OSBPL10: variants seen among roughly 807,000 people sequenced by gnomAD.
The protein encoded by OSBPL10 is oxysterol binding protein like 10.
OSBPL10 carries 49 observed loss-of-function variants against 81.7 expected under a neutral mutation model. The ratio of observed to expected loss-of-function variants is 0.60; its 90% CI spans 0.48 to 0.76. OSBPL10 has a LOEUF of 0.76. Ranked by LOEUF, OSBPL10 falls within the 30% of genes least tolerant of loss-of-function variation. The pLI is 0.00. For missense variants in OSBPL10, 923 were observed against 987.8 expected, an observed-to-expected ratio of 0.93 and a Z score of 0.88; for synonymous variants, 419 against 383.6, an observed-to-expected ratio of 1.09 and a Z score of -1.08.
intron 1 of OSBPL10, among the ~76,000 whole-genome samples, chr3:31,910,699 T>C (rs953303482): frequency 4.0e-5 from 6 of 151,888 alleles, no homozygotes; most frequent in African/African-American, 4.8e-5. Flanking sequence ...GTCTCCTCAG[T>C]TGGACTTCTT....
At chr3:31,849,966 A>G (rs1053109078) in intron 3 of OSBPL10, among the ~76,000 whole-genome samples, 4 of 152,144 alleles carry the variant, frequency 2.6e-5, no homozygotes, top group African/African-American at 7.2e-5. Flanking sequence ...GGAGTTGGAC[A>G]CCAGCCTGGC....
intron 1 of OSBPL10, among the ~76,000 whole-genome samples, chr3:32,055,304 A>G (rs1396736463): frequency 7.3e-6 from 1 of 136,458 alleles, no homozygotes; most frequent in Non-Finnish European, 1.5e-5. Flanking sequence ...CCTGGGTTCC[A>G]GTGATTCTCC....
intron 6 of OSBPL10, chr3:31,732,742 G>A (rs748489598): frequency 8.1e-5 from 13 of 161,428 alleles, no homozygotes; most frequent in Non-Finnish European, 1.6e-4. Context: ...CTCTCCTGAC[G>A]AGGCAGTGCA....
At chr3:31,829,995 C>G in intron 4 of OSBPL10, 45 bp downstream of exon 4, 1 of 1,550,282 alleles carries the variant, frequency 6.5e-7, no homozygotes, top group Non-Finnish European at 8.7e-7. Context: ...GTCACAGCCC[C>G]CAACTCCCCG....
chr3:31,740,617 ATGAAGCT>A, intron 5 of OSBPL10, among the ~76,000 whole-genome samples: 1 of 151,928 alleles, frequency 6.6e-6, no homozygotes, highest in Non-Finnish European at 1.5e-5. Flanking sequence ...AAGAATGCTT[ATGAAGCT>A]GGGTATGGTG....
intron 1 of OSBPL10, among the ~76,000 whole-genome samples, chr3:31,942,359 T>G (rs1697560271): frequency 6.6e-6 from 1 of 151,940 alleles, no homozygotes; most frequent in South Asian, 2.1e-4. Flanking sequence ...CTGGTCAACA[T>G]GGTGAAACCC....
chr3:31,885,151 T>C (rs760223342), intron 1 of OSBPL10, among the ~76,000 whole-genome samples: 22 of 152,140 alleles, frequency 1.4e-4, no homozygotes, highest in Non-Finnish European at 2.5e-4. Context: ...GAAGCACAAA[T>C]GCACACATAT....
chr3:31,829,468 G>A (rs1418310940), intron 4 of OSBPL10, among the ~76,000 whole-genome samples: 1 of 152,188 alleles, frequency 6.6e-6, no homozygotes, highest in East Asian at 1.9e-4. Flanking sequence ...AGAGAAGGCT[G>A]GCAAAGCCTG....
chr3:31,950,303 C>G (rs1026243930), intron 1 of OSBPL10, among the ~76,000 whole-genome samples: 1 of 152,096 alleles, frequency 6.6e-6, no homozygotes, highest in African/African-American at 2.4e-5. Flanking sequence ...GAGCAAAAGA[C>G]CCAAGCTGGA....
chr3:31,743,042 T>G (rs1001838688), intron 5 of OSBPL10, among the ~76,000 whole-genome samples: 43 of 139,212 alleles, frequency 3.1e-4, no homozygotes, highest in African/African-American at 1.0e-3. Context: ...TTTTTTTTTT[T>G]TTTTTTTTTT....
intron 4 of OSBPL10, among the ~76,000 whole-genome samples, chr3:31,748,995 C>T (rs62244780): frequency 0.011 from 1,680 of 152,292 alleles, 13 homozygotes; most frequent in Non-Finnish European, 0.014. Context: ...AAATAATTAG[C>T]GAGTCTAAGA....
chr3:31,750,010 A>AC, intron 4 of OSBPL10, among the ~76,000 whole-genome samples: 1 of 151,550 alleles, frequency 6.6e-6, no homozygotes, highest in East Asian at 2.0e-4. Context: ...GTGAAACCCC[A>AC]TCTCTACTAA....
rs991110627 is a variant in OSBPL10 at position 31,906,272 on chromosome 3, C to CA, written c.282-26443dup. On this transcript the variant is annotated intron_variant, in intron 1 of 11. Transcript: ENST00000396556. ...AACTCTCCCACAAGCAGACTAGAGC[C>CA]AAAAAAAACTGGGAAATCCTTTGGC... 8.6e-5 allele frequency among the ~76,000 whole-genome samples: 13 copies of CA among 151,478 alleles called. No homozygotes were observed. In the East Asian group the frequency reaches 1.5e-3, roughly 18 times the overall value.
intron 1 of OSBPL10, among the ~76,000 whole-genome samples, chr3:32,066,769 C>T (rs949718899): frequency 3.3e-5 from 5 of 152,136 alleles, no homozygotes; most frequent in Non-Finnish European, 7.3e-5. Context: ...TAACGTCACC[C>T]ACAATGAAAG....
intron 2 of OSBPL10, chr3:31,989,672 G>C (rs576427985): frequency 1.2e-6 from 2 of 1,614,002 alleles, no homozygotes; most frequent in African/African-American, 2.7e-5. Context: ...ATTTCTTCTA[G>C]GCCCAAAATC....
intron 2 of OSBPL10, among the ~76,000 whole-genome samples, chr3:32,041,430 C>T (rs1200487003): frequency 3.9e-5 from 6 of 152,180 alleles, no homozygotes; most frequent in Admixed American, 1.3e-4. Flanking sequence ...ATGCCAGCAG[C>T]ATCAGACTAC....
intron 1 of OSBPL10, among the ~76,000 whole-genome samples, chr3:31,880,151 T>C (rs1695519828): frequency 6.6e-6 from 1 of 152,210 alleles, no homozygotes; most frequent in South Asian, 2.1e-4. Context: ...GGCAGAAGCA[T>C]TGCAACACAG....
At chr3:31,926,290 C>CCCCCCT (rs1553641098) in intron 1 of OSBPL10, among the ~76,000 whole-genome samples, 1 of 45,430 alleles carries the variant, frequency 2.2e-5, no homozygotes, top group Non-Finnish European at 4.3e-5. Context: ...GGTGATTTTG[C>CCCCCCT]CCCCCCAGAG....
intron 2 of OSBPL10, among the ~76,000 whole-genome samples, chr3:31,993,677 C>CACAT (rs200746278): frequency 7.6e-6 from 1 of 131,364 alleles, no homozygotes; most frequent in Non-Finnish European, 1.5e-5. Flanking sequence ...TGACTACACA[C>CACAT]ACATACACAC....
Sources: allele counts gnomAD v4.1 joint callset (sites outside exome capture counted in the v4.1 genomes callset), GRCh38; gene constraint gnomAD v4.1.1; transcripts MANE v1.5; gene names NCBI Gene and HGNC (gene_info 2026-07-23, HGNC 2026-07-21).